SPIDR: variants seen among roughly 807,000 people sequenced by gnomAD.
The protein encoded by SPIDR is DNA repair-scaffolding protein.
SPIDR carries 93 observed loss-of-function variants against 104.6 expected under a neutral mutation model. That is an observed-to-expected ratio of 0.89 (90% CI 0.75 to 1.06). The LOEUF is 1.06. SPIDR is among the 50% of genes least tolerant of loss of function. The pLI is 0.00. For synonymous variants in SPIDR, 431 were observed against 416.9 expected, an observed-to-expected ratio of 1.03 and a Z score of -0.41; for missense variants, 1,154 against 1,111.2, an observed-to-expected ratio of 1.04 and a Z score of -0.55.
chr8:47,522,397 G>C (rs1012621927), intron 8 of SPIDR, among the ~76,000 whole-genome samples: 2 of 152,060 alleles, frequency 1.3e-5, no homozygotes, highest in African/African-American at 4.8e-5. Flanking sequence ...AATCTGTGAA[G>C]AAAATAACTG....
At chr8:47,392,259 G>A (rs912976440) in intron 5 of SPIDR, among the ~76,000 whole-genome samples, 2 of 152,048 alleles carry the variant, frequency 1.3e-5, no homozygotes, top group African/African-American at 2.4e-5. Flanking sequence ...CACTAGTAGG[G>A]AGTAGGGCTG....
intron 11 of SPIDR, among the ~76,000 whole-genome samples, chr8:47,698,222 G>C (rs976309162): frequency 5.3e-5 from 8 of 152,172 alleles, no homozygotes; most frequent in Non-Finnish European, 1.0e-4. Context: ...CTGTCAGACT[G>C]TTTGTTGCTT....
At chr8:47,360,740 AAAAAC>A (rs782355548) in intron 5 of SPIDR, 17 of 688,438 alleles carry the variant, frequency 2.5e-5, no homozygotes, top group Non-Finnish European at 2.9e-5. Flanking sequence ...AGTTCAAATG[AAAAAC>A]AAAACAAAAC....
At chr8:47,489,790 G>T (rs1554737112) in intron 8 of SPIDR, among the ~76,000 whole-genome samples, 1 of 152,164 alleles carries the variant, frequency 6.6e-6, no homozygotes, top group East Asian at 1.9e-4. Flanking sequence ...GGGAAAACTG[G>T]CTAGCCATAT....
intron 8 of SPIDR, among the ~76,000 whole-genome samples, chr8:47,539,007 C>A (rs1423579295): frequency 6.6e-6 from 1 of 151,562 alleles, no homozygotes; most frequent in Non-Finnish European, 1.5e-5. Context: ...ATTACAGGCA[C>A]CTGCCACCAC....
At chr8:47,584,985 G>A (rs2060115618) in intron 8 of SPIDR, among the ~76,000 whole-genome samples, 1 of 151,868 alleles carries the variant, frequency 6.6e-6, no homozygotes, top group South Asian at 2.1e-4. Flanking sequence ...TGTCAAGTTT[G>A]TATTGGAAAA....
chr8:47,528,109 G>C (rs947090736), intron 8 of SPIDR: 5 of 152,106 alleles, frequency 3.3e-5, no homozygotes, highest in African/African-American at 4.8e-5. Context: ...TGTTCCACTG[G>C]ATAATTGTAA....
intron 3 of SPIDR, among the ~76,000 whole-genome samples, chr8:47,288,672 C>T (rs1403498946): frequency 3.3e-5 from 5 of 152,146 alleles, no homozygotes; most frequent in Non-Finnish European, 7.4e-5. Context: ...ATTTTATTAG[C>T]TATTTAGATA....
At chr8:47,335,827 G>A (rs115461287) in intron 5 of SPIDR, among the ~76,000 whole-genome samples, 45 of 152,142 alleles carry the variant, frequency 3.0e-4, no homozygotes, top group African/African-American at 1.1e-3. Context: ...TTGCTTCTCT[G>A]TAAATAAGGT....
intron 7 of SPIDR, 138 bp downstream of exon 7, chr8:47,408,099 C>T (rs1484766774): frequency 4.4e-6 from 2 of 453,966 alleles, no homozygotes; most frequent in Non-Finnish European, 7.8e-6. Flanking sequence ...CTAATTTTAA[C>T]ATATAAAAAC....
In SPIDR at chr8:47,729,041, G is replaced by C. The variant is rs1336279146; in HGVS notation, c.2544G>C (p.Lys848Asn). 6.2e-7 allele frequency: 1 copy of C among 1,613,736 alleles called. No individual in the cohort carries two copies. The highest frequency in any genetic ancestry group is 1.3e-5 in the African/African-American group (1 of 74,922). ...DCRSRPQCRVKVKLLQRSISS... is the reference protein window; with the variant it reads ...DCRSRPQCRVNVKLLQRSISS... ...GCTCAAGACCGCAGTGCAGAGTGAA[G>C]GTCAAGGTAGGAGCCAGGCCAGAGC... Residue 848 changes from lysine to asparagine, a missense_variant, in exon 18 of 20, where the codon AAG becomes AAC. Coordinates refer to ENST00000297423, the MANE Select transcript of SPIDR (RefSeq NM_001080394.4).
intron 8 of SPIDR, among the ~76,000 whole-genome samples, chr8:47,538,425 T>A (rs1485980208): frequency 6.6e-6 from 1 of 151,952 alleles, no homozygotes; most frequent in East Asian, 1.9e-4. Flanking sequence ...GTGCCTGTAG[T>A]CCCAGCTACT....
At chr8:47,317,634 GAA>G (rs1400262431) in intron 5 of SPIDR, among the ~76,000 whole-genome samples, 1 of 152,174 alleles carries the variant, frequency 6.6e-6, no homozygotes, top group African/African-American at 2.4e-5. Flanking sequence ...TCTGAGAACA[GAA>G]AGACTGCCTC....
chr8:47,280,114 A>G (rs1040058660), intron 2 of SPIDR, 97 bp downstream of exon 2: 1 of 1,281,410 alleles, frequency 7.8e-7, no homozygotes, highest in Non-Finnish European at 1.1e-6. Flanking sequence ...TCCCTTTCTT[A>G]TTCTTTCAGA....
At chr8:47,709,607 G>C (rs1205508687) in intron 14 of SPIDR, among the ~76,000 whole-genome samples, 7 of 152,180 alleles carry the variant, frequency 4.6e-5, no homozygotes, top group Non-Finnish European at 1.0e-4. Context: ...TAAACTTTTA[G>C]CAATGTAGTG....
intron 11 of SPIDR, among the ~76,000 whole-genome samples, chr8:47,685,824 T>C (rs1310433280): frequency 6.6e-6 from 1 of 150,572 alleles, no homozygotes; most frequent in African/African-American, 2.4e-5. Flanking sequence ...AGTGCTGGGA[T>C]TACAGGTGTG....
At chr8:47,432,720 A>G (rs1554689988) in intron 7 of SPIDR, among the ~76,000 whole-genome samples, 1 of 152,222 alleles carries the variant, frequency 6.6e-6, no homozygotes, top group East Asian at 1.9e-4. Context: ...TCACCTTGTC[A>G]TAGAAATAAT....
At chr8:47,284,353 C>T (rs1260155694) in intron 3 of SPIDR, among the ~76,000 whole-genome samples, 3 of 152,284 alleles carry the variant, frequency 2.0e-5, no homozygotes, top group African/African-American at 7.2e-5. Flanking sequence ...ATTTTTATCA[C>T]AGAGCCCAGT....
intron 8 of SPIDR, among the ~76,000 whole-genome samples, chr8:47,517,013 A>T (rs889459706): frequency 6.6e-6 from 1 of 152,086 alleles, no homozygotes; most frequent in African/African-American, 2.4e-5. Flanking sequence ...GCATTTCCCT[A>T]ATGACTTGTC....
Sources: gnomAD v4.1 joint callset for allele counts (sites outside exome capture counted in the v4.1 genomes callset) on GRCh38, gnomAD v4.1.1 for gene constraint, MANE v1.5 for transcripts, NCBI Gene and HGNC (gene_info 2026-07-23, HGNC 2026-07-21) for gene names.